The following RHCG variants were observed in gnomAD, a reference collection of about 807,000 sequenced individuals.
RHCG encodes the protein ammonium transporter Rh type C.
RHCG carries 39 observed loss-of-function variants against 55.3 expected under a neutral mutation model. That is an observed-to-expected ratio of 0.70 (90% CI 0.55 to 0.92). The LOEUF is 0.92. RHCG is among the 40% of genes least tolerant of loss of function. The pLI, the probability that RHCG is intolerant of heterozygous loss-of-function variation, is 0.00. For synonymous variants in RHCG, 250 were observed against 246.8 expected, an observed-to-expected ratio of 1.01 and a Z score of -0.12; for missense variants, 635 against 627.9, an observed-to-expected ratio of 1.01 and a Z score of -0.12.
Position 89,477,122 on chromosome 15 carries a change from C to A in RHCG, c.1197G>T (p.Leu399Phe), listed in dbSNP as rs1410636826. The change falls in exon 8 of 11, where the codon TTG becomes TTT. Residue 399 changes from leucine to phenylalanine, a missense_variant. Transcript: ENST00000268122. This position sits in a 1 kb window ranked among gnomAD's most constrained non-coding sequence, Gnocchi z 4.5. ...CCATCAGGGCCATGGCCAGGGTCAC[C>A]AAGAGACCATAAATCTGGAACTTTC... ...TQGKFQIYGL[L>F]VTLAMALMGG... 2.5e-6 allele frequency: 4 copies of A among 1,614,058 alleles called. No individual in the cohort carries two copies. The highest frequency in any genetic ancestry group is 3.4e-6 in the Non-Finnish European group (4 of 1,180,012).
chr15:89,483,201 A>T lies in RHCG; in HGVS notation c.388T>A (p.Phe130Ile). Residue 130 changes from phenylalanine to isoleucine, a missense_variant, in exon 3 of 11, where the codon TTC becomes ATC. Phe to Ile is a conservative substitution (Grantham distance 21). Transcript: ENST00000268122. ...VGVENLINAD[F>I]CVASVCVAFG... ...GCCACGCAGACAGAGGCCACGCAGA[A>T]GTCAGCGTTGATGAGGCTGTGGGGA... 6.3e-7 allele frequency: 1 copy of T among 1,579,448 alleles called. No individual in the cohort carries two copies. Among genetic ancestry groups the T allele is most frequent in the East Asian group, 2.3e-5 (1 of 43,988 alleles).
At position 89,477,942 on chromosome 15, in the gene RHCG, C is replaced by A. The variant is rs149705426; in HGVS notation, c.870G>T (p.Gly290=). 1.6e-5 allele frequency: 25 copies of A among 1,611,668 alleles called. No homozygotes were observed. The African/African-American group carries it at 2.0e-4, about 13-fold the overall frequency. The change falls in exon 6 of 11, where the codon GGG becomes GGT. Residue 290 remains glycine (G), a synonymous_variant. Transcript: ENST00000268122. The surrounding 1 kb of genome is among the most constrained non-coding windows in gnomAD (Gnocchi z 4.5). ...VHIQNATLAG[G]VAVGTAAEMM... is the part of the protein sequence containing the mutation. ...TCTCAGCAGCGGTACCCACGGCCAC[C>A]CCTCCTGCGAGCGTGGCATTCTGGA...
rs764019318 is a variant in RHCG at position 89,477,592 on chromosome 15, A to G, written c.1037T>C (p.Ile346Thr). Residue 346 changes from isoleucine (I) to threonine (T), a missense_variant, in exon 7 of 11, where the codon ATT (isoleucine) becomes ACT (threonine). By Grantham distance (89) the Ile-to-Thr change is moderately conservative. Transcript: ENST00000268122. This position sits in a 1 kb window ranked among gnomAD's most constrained non-coding sequence, Gnocchi z 4.5. ...DTCGINNLHG[I>T]PGIIGGIVGA... is the part of the protein sequence containing the mutation. ...CACGATGCCGCCTATGATGCCAGGA[A>G]TGCCATGCAGATTGTTAATGCCACA... is the stretch of plus-strand genomic sequence containing the variant. 3.1e-6 allele frequency: 5 copies of G among 1,614,156 alleles called. No individual in the cohort carries two copies. The highest frequency in any genetic ancestry group is 4.2e-6 in the Non-Finnish European group (5 of 1,180,030).
Position 89,477,505 on chromosome 15 carries a change from C to T in RHCG, c.1112+12G>A, listed in dbSNP as rs752484658. On this transcript the variant is annotated intron_variant, in intron 7 of 10. Coordinates refer to ENST00000268122, the MANE Select transcript of RHCG (RefSeq NM_016321.3). The surrounding 1 kb of genome is among the most constrained non-coding windows in gnomAD (Gnocchi z 4.5). ...GGGAAGCTCCATCCCACCGCACCTC[C>T]TCCACATTTACCCTTCTTTTCCATA... 2 of 1,613,772 alleles carry T rather than the reference C, an allele frequency of 1.2e-6. No individual in the cohort carries two copies. The highest frequency in any genetic ancestry group is 1.7e-6 in the Non-Finnish European group (2 of 1,179,820).
rs1596406571 is a variant in RHCG, at chr15:89,486,411, G to A, written c.371+388C>T. 1.3e-5 allele frequency: 6 copies of A among 457,164 alleles called. No homozygotes were observed. In the East Asian group the frequency reaches 4.1e-4, roughly 32 times the overall value. The allele number at this position is 457,164 out of a possible 1,614,324, so 28.3% of individuals were successfully genotyped here. The stretch of plus-strand genomic sequence containing the variant: ...GGGCTGGGCGATTTTGATGTGCCGG[G>A]CCCGGTCGGACCCTGCCCCCAGAGG... On this transcript the variant is annotated intron_variant, in intron 2 of 10. Transcript: ENST00000268122.
At chr15:89,485,727 A>C (rs1208529820) in intron 2 of RHCG, among the ~76,000 whole-genome samples, 1 of 152,170 alleles carries the variant, frequency 6.6e-6, no homozygotes, top group Non-Finnish European at 1.5e-5. Flanking sequence ...TCATATGTCT[A>C]CAGAAATAAA....
At chr15:89,492,322 G>T (rs7164142) in intron 1 of RHCG, among the ~76,000 whole-genome samples, 1 of 152,128 alleles carries the variant, frequency 6.6e-6, no homozygotes, top group East Asian at 1.9e-4. Flanking sequence ...GGGGAACAAA[G>T]TGTCCCACAC....
Position 89,486,863 on chromosome 15 carries a change from C to T in RHCG, c.307G>A (p.Ala103Thr). 1 of 1,612,346 alleles carries T rather than the reference C, an allele frequency of 6.2e-7. No individual in the cohort carries two copies. Among genetic ancestry groups the T allele is most frequent in the Middle Eastern group, 1.7e-4 (1 of 6,052 alleles). ...TGGAACCAGCCCTGCATGAGCAGCG[C>T]CCACTGGATGCCGAAGGCTGCCAAC... ...FLLAAFGIQW[A>T]LLMQGWFHFL... Residue 103 changes from alanine to threonine, a missense_variant, in exon 2 of 11, where the codon GCG (alanine) becomes ACG (threonine). Transcript: ENST00000268122.
rs151301203 is a variant in RHCG, at chr15:89,477,092, G to A, written c.1227C>T (p.Gly409=). The change falls in exon 8 of 11, where the codon GGC becomes GGT. Residue 409 remains glycine (G), a synonymous_variant. Transcript: ENST00000268122. This position sits in a 1 kb window ranked among gnomAD's most constrained non-coding sequence, Gnocchi z 4.5. ...GCCATTCCTGCTCACCCACAATGAT[G>A]CCACCCATCAGGGCCATGGCCAGGG... ...LVTLAMALMG[G]IIVGLILRLP... The A allele has an allele frequency of 2.5e-6, 4 of 1,614,058 alleles. No individual in the cohort carries two copies. The African/African-American group carries it at 5.3e-5, about 22-fold the overall frequency.
At chr15:89,492,225 T>G (rs1961489602) in intron 1 of RHCG, among the ~76,000 whole-genome samples, 1 of 151,990 alleles carries the variant, frequency 6.6e-6, no homozygotes, top group African/African-American at 2.4e-5. Context: ...CTGTTCTCCC[T>G]CTCCCCTTAC....
At chr15:89,489,022 CAT>C (rs1354106110) in intron 1 of RHCG, among the ~76,000 whole-genome samples, 1 of 152,126 alleles carries the variant, frequency 6.6e-6, no homozygotes, top group Admixed American at 6.5e-5. Flanking sequence ...ACAAAGCACA[CAT>C]GTGTATGTGT....
At chr15:89,480,499 A>G in intron 3 of RHCG, 91 bp from the exon 4 acceptor site, 1 of 1,460,092 alleles carries the variant, frequency 6.8e-7, no homozygotes, top group Non-Finnish European at 9.4e-7. Context: ...ACACGCCCAG[A>G]GCTCCAGCCT....
At position 89,483,103 on chromosome 15, in the gene RHCG, G is replaced by A. The variant is rs142644817; in HGVS notation, c.486C>T (p.Phe162=). The A allele has an allele frequency of 7.6e-4, 1,224 of 1,606,236 alleles. 7 individuals are homozygous for A. In the African/African-American group the frequency reaches 0.013, roughly 17 times the overall value. Residue 162 remains phenylalanine, a synonymous_variant, in exon 3 of 11, where the codon TTC becomes TTT. Transcript: ENST00000268122. ...LIMTFFQVTL[F]AVNEFILLNL... ...TAAGGAGAATGAACTCATTCACAGC[G>A]AAGAGGGTCACTTGGAAGAAAGTCA...
At chr15:89,472,342 A>G (rs1961053946) in intron 10 of RHCG, among the ~76,000 whole-genome samples, 1 of 152,166 alleles carries the variant, frequency 6.6e-6, no homozygotes, top group African/African-American at 2.4e-5. Context: ...ACTGAATACA[A>G]CCAGACGTGT....
intron 1 of RHCG, among the ~76,000 whole-genome samples, chr15:89,490,697 T>C (rs1189630149): frequency 2.0e-5 from 3 of 151,060 alleles, no homozygotes; most frequent in Non-Finnish European, 4.4e-5. Context: ...GCAGCGCTGT[T>C]GACAAACACA....
chr15:89,484,232 T>C (rs868546832), intron 2 of RHCG, among the ~76,000 whole-genome samples: 1 of 152,200 alleles, frequency 6.6e-6, no homozygotes, highest in Non-Finnish European at 1.5e-5. Flanking sequence ...TATTGCCTCA[T>C]TCACCGCTGT....
At chr15:89,476,721 C>T in intron 9 of RHCG, 34 bp downstream of exon 9, 1 of 1,589,724 alleles carries the variant, frequency 6.3e-7, no homozygotes, top group Non-Finnish European at 8.6e-7. Flanking sequence ...AACGCAGCTG[C>T]CCTCCTTCAG....
intron 2 of RHCG, among the ~76,000 whole-genome samples, chr15:89,484,319 A>T (rs908877091): frequency 1.3e-5 from 2 of 152,160 alleles, no homozygotes; most frequent in African/African-American, 4.8e-5. Flanking sequence ...GGTATCTACT[A>T]AGTACTGTAT....
At chr15:89,479,037 T>C (rs1473124704) in intron 5 of RHCG, among the ~76,000 whole-genome samples, 1 of 135,044 alleles carries the variant, frequency 7.4e-6, no homozygotes, top group Non-Finnish European at 1.5e-5. Flanking sequence ...GATGCAGAGG[T>C]TGCAGTGAGC....
Sources: gnomAD v4.1 joint callset for allele counts (sites outside exome capture counted in the v4.1 genomes callset) on GRCh38, gnomAD v4.1.1 for gene constraint, Gnocchi (gnomAD v3.1) non-coding constraint, MANE v1.5 for transcripts, NCBI Gene and HGNC (gene_info 2026-07-23, HGNC 2026-07-21) for gene names.